Variants in MAML3 observed in about 807,000 individuals in gnomAD.
MAML3 encodes mastermind like transcriptional coactivator 3, also known as mastermind-like protein 3.
Under a neutral mutation model 101.9 loss-of-function variants are expected in MAML3, and 27 were observed. The ratio of observed to expected loss-of-function variants is 0.27; its 90% CI spans 0.20 to 0.37. The LOEUF (loss-of-function observed/expected upper bound fraction) is 0.37. Ranked by LOEUF, MAML3 falls within the 10% of genes least tolerant of loss-of-function variation. MAML3 has a pLI of 1.00. For synonymous variants in MAML3, 501 were observed against 555.9 expected, an observed-to-expected ratio of 0.90 and a Z score of 1.39; for missense variants, 1,316 against 1,444.9, an observed-to-expected ratio of 0.91 and a Z score of 1.45.
chr4:139,761,673 A>G (rs1460291235), intron 2 of MAML3, among the ~76,000 whole-genome samples: 1 of 152,224 alleles, frequency 6.6e-6, no homozygotes, highest in Non-Finnish European at 1.5e-5. Context: ...TGAACAAAGT[A>G]TATCCCCAGG....
intron 1 of MAML3, among the ~76,000 whole-genome samples, chr4:139,974,231 G>A (rs1004000099): frequency 1.3e-5 from 2 of 151,082 alleles, no homozygotes; most frequent in Admixed American, 6.6e-5. Context: ...TCAGCCTCCC[G>A]AGTAGCTGGG....
intron 2 of MAML3, among the ~76,000 whole-genome samples, chr4:139,886,606 T>G (rs1732343044): frequency 6.6e-6 from 1 of 152,196 alleles, no homozygotes; most frequent in Non-Finnish European, 1.5e-5. Context: ...TTATGAGCAT[T>G]TCCATATGAT....
intron 2 of MAML3, among the ~76,000 whole-genome samples, chr4:139,776,338 C>T (rs1181080071): frequency 1.3e-5 from 2 of 152,120 alleles, no homozygotes; most frequent in Non-Finnish European, 2.9e-5. Context: ...TCTGAAATGG[C>T]TCCTGTCGTG....
At chr4:140,094,110 G>A (rs1236437969) in intron 1 of MAML3, among the ~76,000 whole-genome samples, 1 of 152,194 alleles carries the variant, frequency 6.6e-6, no homozygotes. Flanking sequence ...TGACGTAACA[G>A]GTCCCTTCAG....
intron 2 of MAML3, among the ~76,000 whole-genome samples, chr4:139,873,141 T>C (rs1175396208): frequency 1.3e-5 from 2 of 152,162 alleles, no homozygotes; most frequent in African/African-American, 4.8e-5. Flanking sequence ...TTTCCTACTT[T>C]AAATAAAAGC....
chr4:140,092,012 T>C (rs747321996), intron 1 of MAML3, among the ~76,000 whole-genome samples: 9 of 150,814 alleles, frequency 6.0e-5, no homozygotes, highest in Non-Finnish European at 1.3e-4. Context: ...GTATCATCTC[T>C]GTTGTCCATT....
chr4:139,952,317 A>G (rs1733844923), intron 1 of MAML3, among the ~76,000 whole-genome samples: 1 of 152,184 alleles, frequency 6.6e-6, no homozygotes, highest in Admixed American at 6.5e-5. Flanking sequence ...GGTTCAATGT[A>G]TGAAGTGATC....
intron 1 of MAML3, among the ~76,000 whole-genome samples, chr4:140,013,827 C>T (rs938300639): frequency 6.6e-6 from 1 of 152,182 alleles, no homozygotes; most frequent in African/African-American, 2.4e-5. Flanking sequence ...TTTTGGGTAC[C>T]TAGGTGCCTC....
intron 2 of MAML3, among the ~76,000 whole-genome samples, chr4:139,867,054 TG>T (rs761380880): frequency 1.3e-5 from 2 of 152,224 alleles, no homozygotes; most frequent in Non-Finnish European, 2.9e-5. Flanking sequence ...TGAAATAAAA[TG>T]TGTTCTTGAA....
intron 1 of MAML3, among the ~76,000 whole-genome samples, chr4:139,953,104 T>C (rs1733858846): frequency 1.3e-5 from 2 of 152,326 alleles, no homozygotes; most frequent in South Asian, 4.1e-4. Flanking sequence ...TTAAACGTGG[T>C]ATGCTATTAT....
At chr4:139,984,454 GA>G (rs1038366149) in intron 1 of MAML3, among the ~76,000 whole-genome samples, 1 of 152,068 alleles carries the variant, frequency 6.6e-6, no homozygotes, top group East Asian at 1.9e-4. Flanking sequence ...TGCTTTGTAT[GA>G]AAAAGTCAAC....
intron 1 of MAML3, among the ~76,000 whole-genome samples, chr4:140,098,952 T>C (rs1560893002): frequency 6.6e-6 from 1 of 152,244 alleles, no homozygotes; most frequent in East Asian, 1.9e-4. Flanking sequence ...GACTCATTTT[T>C]ACTTTTCCTC....
At chr4:139,992,043 G>A (rs533017568) in intron 1 of MAML3, among the ~76,000 whole-genome samples, 1 of 152,302 alleles carries the variant, frequency 6.6e-6, no homozygotes, top group Non-Finnish European at 1.5e-5. Context: ...AGCAGCCCCA[G>A]ATCAACTTTG....
At chr4:140,029,133 G>A (rs752811013) in intron 1 of MAML3, among the ~76,000 whole-genome samples, 5 of 152,148 alleles carry the variant, frequency 3.3e-5, no homozygotes, top group Non-Finnish European at 5.9e-5. Flanking sequence ...AGCCCAGGGG[G>A]ACAGGTACCA....
rs1340842111 is a variant in MAML3, at chr4:139,890,808, T to C, written c.628A>G (p.Met210Val). 4 of 1,613,902 alleles carry C rather than the reference T, an allele frequency of 2.5e-6. No individual in the cohort carries two copies. The highest frequency in any genetic ancestry group is 3.4e-6 in the Non-Finnish European group (4 of 1,179,898). ...AGAGGAGAAGCTGAAGGCAGTGGCA[T>C]GTTACTGGGCAAATTGTTGATGGCT... Reference protein sequence around the residue: ...MEAINNLPSNMPLPSASPLHQ... With the variant: ...MEAINNLPSNVPLPSASPLHQ... Residue 210 changes from methionine to valine, a missense_variant, in exon 2 of 5, where the codon ATG (methionine) becomes GTG (valine). By Grantham distance (21) the Met-to-Val change is conservative. Transcript: ENST00000509479. The surrounding 1 kb of genome is among the most constrained non-coding windows in gnomAD (Gnocchi z 4.1).
intron 1 of MAML3, among the ~76,000 whole-genome samples, chr4:139,898,055 T>C (rs1169280960): frequency 6.6e-6 from 1 of 152,244 alleles, no homozygotes; most frequent in African/African-American, 2.4e-5. Flanking sequence ...ACAGTCTCTC[T>C]TGACAGCCAT....
intron 1 of MAML3, among the ~76,000 whole-genome samples, chr4:140,014,575 A>G (rs1726613806): frequency 1.3e-5 from 2 of 152,390 alleles, no homozygotes; most frequent in African/African-American, 4.8e-5. Flanking sequence ...ACCTGCCTTC[A>G]TGGTGCTTAG....
rs372292296 is a variant in MAML3, at chr4:140,056,783, C to A, written c.468+96077G>T. On this transcript the variant is annotated intron_variant, in intron 1 of 4. Transcript: ENST00000509479. ...CGAGATGTGCCACTGCACTCTCCAG[C>A]CTCAGCGACAGAGCAAGACTCTGTC... Among the ~76,000 whole-genome samples, 74 of 150,512 alleles carry A rather than the reference C, an allele frequency of 4.9e-4. 2 individuals carry two copies. The highest frequency in any genetic ancestry group is 1.7e-3 in the African/African-American group (71 of 41,070).
At chr4:139,775,060 C>A (rs1730066751) in intron 2 of MAML3, among the ~76,000 whole-genome samples, 1 of 152,144 alleles carries the variant, frequency 6.6e-6, no homozygotes, top group East Asian at 1.9e-4. Flanking sequence ...GAGGAAAAGT[C>A]ACCATGACTA....
Sources: allele counts gnomAD v4.1 joint callset (sites outside exome capture counted in the v4.1 genomes callset), GRCh38; gene constraint gnomAD v4.1.1; non-coding constraint Gnocchi (gnomAD v3.1); transcripts MANE v1.5; gene names NCBI Gene and HGNC (gene_info 2026-07-23, HGNC 2026-07-21).